The following C2orf76 variants were observed in gnomAD, a reference collection of about 807,000 sequenced individuals.
C2orf76 encodes the protein chromosome 2 open reading frame 76, also known as UPF0538 protein C2orf76.
C2orf76 carries 23 observed loss-of-function variants against 16.9 expected under a neutral mutation model. The observed-to-expected ratio is 1.36, with a 90% CI of 0.98 to 1.93. C2orf76 has a LOEUF of 1.93. Among genes scored for constraint, C2orf76 ranks in the 30% most tolerant of loss-of-function variants. The pLI is 0.00. For synonymous variants in C2orf76, 48 were observed against 52.3 expected, an observed-to-expected ratio of 0.92 and a Z score of 0.35; for missense variants, 152 against 152.6, an observed-to-expected ratio of 1.00 and a Z score of 0.02.
At chr2:119,361,367 A>G (rs534262627) in intron 1 of C2orf76, among the ~76,000 whole-genome samples, 2 of 152,350 alleles carry the variant, frequency 1.3e-5, no homozygotes, top group South Asian at 2.1e-4. Flanking sequence ...TTTAAAACTC[A>G]AATTTTATTA....
chr2:119,287,722 A>G, the C2orf76 span, among the ~76,000 whole-genome samples: 2 of 152,158 alleles, frequency 1.3e-5, no homozygotes, highest in African/African-American at 2.4e-5. Context: ...TTATGAAGGA[A>G]ATTCTAGAAG....
intron 1 of C2orf76, among the ~76,000 whole-genome samples, chr2:119,351,399 A>C (rs984189501): frequency 2.6e-5 from 4 of 152,208 alleles, no homozygotes; most frequent in Admixed American, 6.5e-5. Context: ...AATGAAAAAA[A>C]CATGGCAATA....
chr2:119,359,839 C>T (rs944358487), intron 1 of C2orf76, among the ~76,000 whole-genome samples: 9 of 151,992 alleles, frequency 5.9e-5, no homozygotes, highest in African/African-American at 1.7e-4. Context: ...TGTGTTGAAA[C>T]GACAAAAAAA....
chr2:119,316,824 T>C (rs1679187460), intron 4 of C2orf76, among the ~76,000 whole-genome samples: 2 of 152,234 alleles, frequency 1.3e-5, no homozygotes, highest in South Asian at 4.2e-4. Flanking sequence ...GAAAAAAAGA[T>C]CACTCTGCTC....
rs925980047 is a variant in C2orf76, at chr2:119,313,424, C to CA, written c.223-1722dup. 6.1e-3 allele frequency among the ~76,000 whole-genome samples: 865 copies of CA among 142,100 alleles called. 1 individual carries two copies. Among genetic ancestry groups the CA allele is most frequent in the African/African-American group, 0.013 (489 of 38,962 alleles). 93.2% of individuals were successfully genotyped at this position (142,100 alleles called of 152,430 possible). A position where few individuals can be genotyped will look rare whatever the true frequency, so the allele number is the denominator to read the frequency against. Reference sequence around the variant, plus strand: ...GCAAGATAGCAAGACCCGATCTCTACAAAAAAAAAAAGTTTTATTTAATTA... The same window carrying CA: ...GCAAGATAGCAAGACCCGATCTCTACAAAAAAAAAAAAGTTTTATTTAATTA... On this transcript the variant is annotated intron_variant, in intron 4 of 5. Coordinates refer to ENST00000334816, the MANE Select transcript of C2orf76 (RefSeq NM_001322331.2).
At chr2:119,295,230 T>G in the C2orf76 span, among the ~76,000 whole-genome samples, 401 of 152,136 alleles carry the variant, frequency 2.6e-3, 4 homozygotes, top group Admixed American at 0.023. Context: ...TTACGAGAGA[T>G]AGCTGCGGTC....
intron 5 of C2orf76, chr2:119,311,335 G>A: frequency 1.0e-6 from 1 of 985,368 alleles, no homozygotes; most frequent in Non-Finnish European, 1.2e-6. Flanking sequence ...AGTAGACGTG[G>A]TACTTACAAC....
At chr2:119,347,071 A>G (rs1680227228) in intron 1 of C2orf76, among the ~76,000 whole-genome samples, 2 of 152,366 alleles carry the variant, frequency 1.3e-5, no homozygotes, top group East Asian at 3.9e-4. Context: ...TGTTAAAACC[A>G]TCAGGTAAGA....
chr2:119,364,805 G>A (rs144268835), intron 1 of C2orf76, among the ~76,000 whole-genome samples: 2,082 of 152,204 alleles, frequency 0.014, 44 homozygotes, highest in African/African-American at 0.047. Flanking sequence ...AAGGCCAGGC[G>A]CAGTGGCTCA....
chr2:119,317,338 C>T (rs1412194793), intron 4 of C2orf76, 128 bp downstream of exon 4: 1 of 565,358 alleles, frequency 1.8e-6, no homozygotes. Context: ...AAAAAGGGTA[C>T]CTACAAAATA....
At chr2:119,300,437 C>T (rs755740226), downstream of C2orf76, among the ~76,000 whole-genome samples, 4 of 152,188 alleles carry the variant, frequency 2.6e-5, no homozygotes, top group Non-Finnish European at 5.9e-5. Context: ...AATCATGCTA[C>T]TGGCTCCCAT....
chr2:119,346,506 G>A (rs1323741860), intron 1 of C2orf76, among the ~76,000 whole-genome samples: 1 of 152,112 alleles, frequency 6.6e-6, no homozygotes, highest in Non-Finnish European at 1.5e-5. Context: ...TGAATCTCAA[G>A]GGAATCAAGC....
chr2:119,321,419 T>TA (rs920234128), intron 2 of C2orf76, among the ~76,000 whole-genome samples: 7 of 151,924 alleles, frequency 4.6e-5, no homozygotes, highest in Middle Eastern at 3.2e-3. Context: ...GGTAATCTAT[T>TA]AAAAAAAATG....
intron 2 of C2orf76, among the ~76,000 whole-genome samples, chr2:119,339,511 C>T (rs1193809787): frequency 1.3e-5 from 2 of 151,924 alleles, no homozygotes; most frequent in Non-Finnish European, 2.9e-5. Context: ...ACACTACACC[C>T]GCTTGCTAAT....
intron 1 of C2orf76, among the ~76,000 whole-genome samples, chr2:119,342,681 G>T (rs192261382): frequency 1.3e-5 from 2 of 152,086 alleles, no homozygotes; most frequent in Non-Finnish European, 2.9e-5. Flanking sequence ...TATGTACTTG[G>T]GAAGGAATAA....
At chr2:119,281,521 AAG>A in the C2orf76 span, among the ~76,000 whole-genome samples, 98,931 of 150,198 alleles carry the variant, frequency 0.66, 32,790 homozygotes, top group African/African-American at 0.76. Context: ...AGAAAATAAA[AAG>A]AGAGAGAGAG....
At position 119,360,267 on chromosome 2, in the gene C2orf76, G is replaced by A. The variant is rs371642684; in HGVS notation, c.-13+6523C>T. 7.2e-5 allele frequency among the ~76,000 whole-genome samples: 11 copies of A among 152,234 alleles called. No homozygotes were observed. The East Asian group carries it at 1.4e-3, about 19-fold the overall frequency. ...AGGCCGAGGCAGGTGATCACCTGAG[G>A]TCAGGAGTTTGACCAGCCTGGCCAA... On this transcript the variant is annotated intron_variant, in intron 1 of 5. Coordinates refer to ENST00000334816, the MANE Select transcript of C2orf76 (RefSeq NM_001322331.2).
chr2:119,340,755 TACACACACAC>T (rs60777590), intron 1 of C2orf76, among the ~76,000 whole-genome samples: 5,830 of 140,198 alleles, frequency 0.042, 141 homozygotes, highest in African/African-American at 0.072. Flanking sequence ...TGCTTTCTAA[TACACACACAC>T]ACACACACAC....
the C2orf76 span, among the ~76,000 whole-genome samples, chr2:119,295,571 G>C: frequency 6.6e-6 from 1 of 151,852 alleles, no homozygotes; most frequent in African/African-American, 2.4e-5. Flanking sequence ...ACAGCCTTAA[G>C]AGTGCTCTGG....
Sources: allele counts gnomAD v4.1 joint callset (sites outside exome capture counted in the v4.1 genomes callset), GRCh38; gene constraint gnomAD v4.1.1; transcripts MANE v1.5; gene names NCBI Gene and HGNC (gene_info 2026-07-23, HGNC 2026-07-21).